The following AGBL1 variants were observed in gnomAD, a reference collection of about 807,000 sequenced individuals.
The protein encoded by AGBL1 is cytosolic carboxypeptidase 4.
AGBL1 carries 130 observed loss-of-function variants against 118.9 expected under a neutral mutation model. The ratio of observed to expected loss-of-function variants is 1.09; its 90% CI spans 0.95 to 1.26. The LOEUF (loss-of-function observed/expected upper bound fraction) is 1.26, where lower values mean the gene tolerates loss of function less well. Ranked by LOEUF, AGBL1 falls within the 50% of genes most tolerant of loss-of-function variation. The pLI is 0.00. For missense variants in AGBL1, 1,584 were observed against 1,298.1 expected, an observed-to-expected ratio of 1.22 and a Z score of -3.38; for synonymous variants, 555 against 478.9, an observed-to-expected ratio of 1.16 and a Z score of -2.08.
intron 2 of AGBL1, among the ~76,000 whole-genome samples, chr15:86,142,775 G>A (rs1041632383): frequency 5.3e-5 from 8 of 152,134 alleles, no homozygotes; most frequent in Admixed American, 2.6e-4. Flanking sequence ...CTTTCACGTG[G>A]GGCCTGTGTA....
At chr15:86,649,624 A>G (rs2085337101) in intron 21 of AGBL1, among the ~76,000 whole-genome samples, 1 of 152,168 alleles carries the variant, frequency 6.6e-6, no homozygotes, top group Non-Finnish European at 1.5e-5. Flanking sequence ...CAAATTCTGC[A>G]TAAGAAAAAA....
intron 17 of AGBL1, among the ~76,000 whole-genome samples, chr15:86,364,981 A>ATATATATATATATATATATG (rs2080861626): frequency 6.6e-5 from 5 of 76,284 alleles, no homozygotes; most frequent in Admixed American, 1.3e-4. Flanking sequence ...ATATATATAT[A>ATATATATATATATATATATG]TATATATACA....
At chr15:86,367,657 AC>A (rs917705398) in intron 17 of AGBL1, among the ~76,000 whole-genome samples, 25 of 152,244 alleles carry the variant, frequency 1.6e-4, no homozygotes, top group Admixed American at 5.2e-4. Flanking sequence ...GGCAGGAAAA[AC>A]TAAGATATGT....
intron 22 of AGBL1, among the ~76,000 whole-genome samples, chr15:86,756,402 A>G (rs920533088): frequency 2.0e-5 from 3 of 151,946 alleles, no homozygotes; most frequent in African/African-American, 7.3e-5. Flanking sequence ...TTGGGGACTC[A>G]TCAGTTCATA....
chr15:86,361,448 TTC>T (rs1445727767), intron 17 of AGBL1, among the ~76,000 whole-genome samples: 1 of 152,098 alleles, frequency 6.6e-6, no homozygotes, highest in Non-Finnish European at 1.5e-5. Context: ...TTCTGTATAT[TTC>T]TGTTAGGTTC....
intron 22 of AGBL1, among the ~76,000 whole-genome samples, chr15:86,808,231 T>C (rs1234898976): frequency 6.6e-6 from 1 of 152,182 alleles, no homozygotes; most frequent in Non-Finnish European, 1.5e-5. Flanking sequence ...TGCGTCTCAG[T>C]TGAGAGAATT....
At chr15:86,540,799 G>C (rs911111612) in intron 19 of AGBL1, among the ~76,000 whole-genome samples, 1 of 152,118 alleles carries the variant, frequency 6.6e-6, no homozygotes, top group Non-Finnish European at 1.5e-5. Flanking sequence ...ACAGGCATTT[G>C]TTTTCAGGGA....
chr15:86,896,231 A>G (rs1278167554), intron 22 of AGBL1, among the ~76,000 whole-genome samples: 3 of 152,090 alleles, frequency 2.0e-5, no homozygotes. Context: ...AATGGGTCAT[A>G]ATATTTCAAG....
At chr15:86,839,313 A>T (rs1372776554) in intron 22 of AGBL1, among the ~76,000 whole-genome samples, 3 of 152,330 alleles carry the variant, frequency 2.0e-5, no homozygotes, top group East Asian at 3.9e-4. Context: ...CTAGTGAAAA[A>T]GTCTTGCTTT....
At chr15:86,905,333 T>A (rs1483644994) in intron 22 of AGBL1, among the ~76,000 whole-genome samples, 2 of 152,196 alleles carry the variant, frequency 1.3e-5, no homozygotes, top group Non-Finnish European at 2.9e-5. Flanking sequence ...GCTCTGTTCA[T>A]CAATACTCAC....
intron 1 of AGBL1, among the ~76,000 whole-genome samples, chr15:86,096,962 A>G (rs1188009951): frequency 1.3e-5 from 2 of 152,136 alleles, no homozygotes; most frequent in Non-Finnish European, 2.9e-5. Context: ...TTAGGCATTA[A>G]TAGGAGGGAC....
chr15:86,247,443 C>T (rs756429785), intron 6 of AGBL1, among the ~76,000 whole-genome samples: 4 of 152,124 alleles, frequency 2.6e-5, no homozygotes, highest in African/African-American at 7.2e-5. Context: ...GAAGTGATGC[C>T]GATCTTTCTC....
At chr15:86,412,221 C>T (rs1380401081) in intron 18 of AGBL1, among the ~76,000 whole-genome samples, 1 of 152,172 alleles carries the variant, frequency 6.6e-6, no homozygotes, top group Non-Finnish European at 1.5e-5. Flanking sequence ...ATCACCAAGT[C>T]GAGGACACAG....
intron 24 of AGBL1, among the ~76,000 whole-genome samples, chr15:86,989,797 G>A (rs887183039): frequency 6.6e-6 from 1 of 152,166 alleles, no homozygotes; most frequent in Non-Finnish European, 1.5e-5. Flanking sequence ...TGACATTTAG[G>A]CAGGGATCAG....
At chr15:86,083,840 A>G (rs765300209) in intron 1 of AGBL1, 1 of 152,260 alleles carries the variant, frequency 6.6e-6, no homozygotes, top group Non-Finnish European at 1.5e-5. Flanking sequence ...TGTAGAGGAC[A>G]TGGGAACATC....
intron 22 of AGBL1, among the ~76,000 whole-genome samples, chr15:86,730,710 TAAG>T (rs1020820756): frequency 4.6e-5 from 7 of 152,008 alleles, no homozygotes; most frequent in African/African-American, 1.5e-4. Context: ...TGGAAAAAAA[TAAG>T]AATGCATGGG....
intron 21 of AGBL1, among the ~76,000 whole-genome samples, chr15:86,625,213 G>A (rs12592432): frequency 0.012 from 1,856 of 152,214 alleles, 33 homozygotes; most frequent in East Asian, 0.076. Flanking sequence ...AATCCACAGA[G>A]ATGGGCCTCA....
intron 23 of AGBL1, among the ~76,000 whole-genome samples, chr15:86,963,169 G>C (rs1056431498): frequency 6.6e-6 from 1 of 151,920 alleles, no homozygotes; most frequent in Non-Finnish European, 1.5e-5. Flanking sequence ...AATGACAAAA[G>C]CCATGGACAA....
intron 5 of AGBL1, among the ~76,000 whole-genome samples, chr15:86,216,379 A>G (rs563479946): frequency 6.6e-6 from 1 of 152,196 alleles, no homozygotes; most frequent in South Asian, 2.1e-4. Context: ...TTCATTAAGT[A>G]TCATATTAAC....
Sources: gnomAD v4.1 joint callset for allele counts (sites outside exome capture counted in the v4.1 genomes callset) on GRCh38, gnomAD v4.1.1 for gene constraint, MANE v1.5 for transcripts, NCBI Gene and HGNC (gene_info 2026-07-23, HGNC 2026-07-21) for gene names.